MIR2052HG: variants seen among roughly 807,000 people sequenced by gnomAD.
MIR2052HG encodes the protein MIR2052 host gene.
At chr8:74,640,520 G>C (rs934795395) in intron 2 of MIR2052HG, among the ~76,000 whole-genome samples, 8 of 149,578 alleles carry the variant, frequency 5.3e-5, no homozygotes, top group Non-Finnish European at 1.0e-4. Flanking sequence ...CCTGGCCTCC[G>C]TTTTAAGTTC....
chr8:74,686,880 A>G (rs938262852), intron 2 of MIR2052HG, among the ~76,000 whole-genome samples: 3 of 152,102 alleles, frequency 2.0e-5, no homozygotes, highest in African/African-American at 7.2e-5. Flanking sequence ...CCATTAAAAG[A>G]TAGGTTTTTG....
chr8:74,640,151 A>T (rs774886821), intron 2 of MIR2052HG, among the ~76,000 whole-genome samples: 30 of 152,226 alleles, frequency 2.0e-4, no homozygotes, highest in Non-Finnish European at 4.3e-4. Flanking sequence ...AGCTTCTCTC[A>T]ATGCGGAAAT....
At chr8:74,615,044 G>A (rs932955127) in intron 2 of MIR2052HG, 18 of 151,984 alleles carry the variant, frequency 1.2e-4, no homozygotes, top group Admixed American at 3.3e-4. Context: ...TTTCTTTAAC[G>A]ATTTGCTGTC....
chr8:74,610,955 C>T (rs1010487144), intron 1 of MIR2052HG, among the ~76,000 whole-genome samples: 3 of 151,992 alleles, frequency 2.0e-5, no homozygotes, highest in Admixed American at 1.3e-4. Context: ...ATACCAAAAA[C>T]ATAATTCACA....
chr8:74,651,136 A>AT (rs1366436699), intron 2 of MIR2052HG, among the ~76,000 whole-genome samples: 36 of 136,518 alleles, frequency 2.6e-4, no homozygotes, highest in East Asian at 1.3e-3. Context: ...TTTTTTTCTC[A>AT]TTTTTTTTTC....
intron 4 of MIR2052HG, among the ~76,000 whole-genome samples, chr8:74,707,426 G>T (rs1809422394): frequency 2.0e-5 from 3 of 152,102 alleles, no homozygotes; most frequent in Non-Finnish European, 4.4e-5. Flanking sequence ...GAGTCTGAAA[G>T]GTATCAAGAA....
chr8:74,636,464 T>A (rs1205428523), intron 2 of MIR2052HG, among the ~76,000 whole-genome samples: 1 of 152,140 alleles, frequency 6.6e-6, no homozygotes, highest in Non-Finnish European at 1.5e-5. Context: ...TATGCAGGAA[T>A]GAAAACAAAT....
chr8:74,658,256 G>T (rs1808826788), intron 2 of MIR2052HG, among the ~76,000 whole-genome samples: 1 of 151,940 alleles, frequency 6.6e-6, no homozygotes, highest in Non-Finnish European at 1.5e-5. Flanking sequence ...TTCACATATA[G>T]CACCTTTTAA....
chr8:74,602,876 T>TCCTTTCTTTCTTTCTTTCTTTCTTTC (rs1554570015), intron 1 of MIR2052HG, among the ~76,000 whole-genome samples: 1 of 137,060 alleles, frequency 7.3e-6, no homozygotes, highest in African/African-American at 2.7e-5. Context: ...TTTCTTTCTT[T>TCCTTTCTTTCTTTCTTTCTTTCTTTC]TTTCTATTCA....
chr8:74,664,177 G>A lies in MIR2052HG; in HGVS notation n.217-38202G>A, dbSNP rs941750692. On this transcript the variant is annotated intron_variant and non_coding_transcript_variant, in intron 2 of 6. Coordinates refer to ENST00000523442, the Ensembl canonical transcript of MIR2052HG. ...AAAAAAAAAACTATGTATTGCGTAC[G>A]ATGCAAACTACTCAGATGACAAGTG... Among the ~76,000 whole-genome samples the A allele has an allele frequency of 2.6e-5, 4 of 151,596 alleles. No individual in the cohort carries two copies. In the East Asian group the frequency reaches 7.7e-4, roughly 29 times the overall value.
At chr8:74,737,974 T>TTATGTATG (rs558506362) in intron 4 of MIR2052HG, among the ~76,000 whole-genome samples, 1 of 151,756 alleles carries the variant, frequency 6.6e-6, no homozygotes, top group Non-Finnish European at 1.5e-5. Flanking sequence ...CTTTTATCTA[T>TTATGTATG]TATCTATGTA....
intron 2 of MIR2052HG, among the ~76,000 whole-genome samples, chr8:74,692,298 C>A (rs1184361286): frequency 6.6e-6 from 1 of 152,084 alleles, no homozygotes; most frequent in Admixed American, 6.6e-5. Flanking sequence ...CACTATGTTG[C>A]CTAGGCTGGT....
chr8:74,612,096 C>A (rs965319634), intron 1 of MIR2052HG, among the ~76,000 whole-genome samples: 1 of 152,188 alleles, frequency 6.6e-6, no homozygotes, highest in African/African-American at 2.4e-5. Context: ...GCTTTGTACC[C>A]CAGTGGCCGC....
intron 2 of MIR2052HG, among the ~76,000 whole-genome samples, chr8:74,670,397 C>T (rs1461532557): frequency 6.6e-6 from 1 of 152,098 alleles, no homozygotes; most frequent in African/African-American, 2.4e-5. Context: ...GGCTATATAT[C>T]TAAAGAAACT....
intron 2 of MIR2052HG, among the ~76,000 whole-genome samples, chr8:74,680,541 A>G (rs550380116): frequency 2.6e-5 from 4 of 152,306 alleles, no homozygotes; most frequent in African/African-American, 9.6e-5. Flanking sequence ...TAGAATGGCA[A>G]TCATTAAAAA....
At chr8:74,671,381 C>T (rs960853958) in intron 2 of MIR2052HG, among the ~76,000 whole-genome samples, 3 of 151,994 alleles carry the variant, frequency 2.0e-5, no homozygotes, top group Admixed American at 6.6e-5. Context: ...TATTTTTATA[C>T]ATATTCTAAG....
At chr8:74,728,573 T>G (rs1262223588) in intron 4 of MIR2052HG, among the ~76,000 whole-genome samples, 2 of 152,242 alleles carry the variant, frequency 1.3e-5, no homozygotes, top group East Asian at 3.9e-4. Flanking sequence ...TATACACAAT[T>G]GTAATTCAGC....
At chr8:74,672,025 A>G (rs1808999047) in intron 2 of MIR2052HG, among the ~76,000 whole-genome samples, 1 of 152,174 alleles carries the variant, frequency 6.6e-6, no homozygotes, top group South Asian at 2.1e-4. Flanking sequence ...AGTCATCAGC[A>G]TTATCAGTTT....
intron 2 of MIR2052HG, among the ~76,000 whole-genome samples, chr8:74,630,142 A>T (rs955771468): frequency 6.6e-6 from 1 of 152,202 alleles, no homozygotes; most frequent in Admixed American, 6.5e-5. Context: ...TGCTGGTTGT[A>T]TCTGATAATA....
Sources: gnomAD v4.1 joint callset for allele counts (sites outside exome capture counted in the v4.1 genomes callset) on GRCh38, gnomAD v4.1.1 for gene constraint, MANE v1.5 for transcripts, NCBI Gene and HGNC (gene_info 2026-07-23, HGNC 2026-07-21) for gene names.